Variants in ABCA9 observed in about 807,000 individuals in gnomAD.
ABCA9 encodes ATP binding cassette subfamily A member 9.
In ABCA9, 183 loss-of-function variants were observed where a neutral mutation model predicts 205.3. The ratio of observed to expected loss-of-function variants is 0.89; its 90% CI spans 0.79 to 1.01. The LOEUF (loss-of-function observed/expected upper bound fraction) is 1.01. Among genes scored for constraint, ABCA9 ranks in the 50% least tolerant of loss-of-function variants. ABCA9 has a pLI of 0.00. For missense variants in ABCA9, 1,805 were observed against 1,912.4 expected (o/e 0.94, Z 1.05); for synonymous variants, 651 against 683.3 (o/e 0.95, Z 0.74).
chr17:69,070,768 G>A, the ABCA9 span, among the ~76,000 whole-genome samples: 1 of 152,168 alleles, frequency 6.6e-6, no homozygotes, highest in African/African-American at 2.4e-5. Flanking sequence ...AAAGGGGGCT[G>A]AAGCCAGGAA....
In ABCA9 at chr17:68,975,143, G is replaced by A. The variant is rs1423469351; in HGVS notation, c.*772C>T. Reference sequence around the variant, plus strand: ...CCTGTGTTAGTTTGCTGAGGATGATGGTTTCCAGCTTCATCCATGTCCCTG... The same window carrying A: ...CCTGTGTTAGTTTGCTGAGGATGATAGTTTCCAGCTTCATCCATGTCCCTG... On this transcript the variant is annotated 3_prime_UTR_variant, in exon 39 of 39. Coordinates refer to ENST00000340001, the MANE Select transcript of ABCA9 (RefSeq NM_080283.4). The A allele has an allele frequency of 6.6e-6, 1 of 152,136 alleles. No homozygotes were observed. The highest frequency in any genetic ancestry group is 1.5e-5 in the Non-Finnish European group (1 of 68,048). The allele number at this position is 152,136 out of a possible 1,614,324, so 9.4% of individuals were successfully genotyped here. A position where few individuals can be genotyped will look rare whatever the true frequency, so the allele number is the denominator to read the frequency against.
In ABCA9 at chr17:69,051,402, G is replaced by A. The variant is rs576943122; in HGVS notation, c.-13-263C>T. On this transcript the variant is annotated intron_variant, in intron 1 of 38. Transcript: ENST00000340001. The stretch of plus-strand genomic sequence containing the variant: ...AGAAGAGTGAATAGTGTCGATCGTT[G>A]CTATCTCCTCAACTGTGGGTGTTGT... 1.2e-4 allele frequency: 48 copies of A among 410,110 alleles called. 1 individual carries two copies. The highest frequency in any genetic ancestry group is 5.9e-4 in the Admixed American group (15 of 25,402). 25.4% of individuals were successfully genotyped at this position (410,110 alleles called of 1,614,324 possible).
intron 22 of ABCA9, among the ~76,000 whole-genome samples, chr17:69,014,906 T>C (rs1471115494): frequency 6.6e-6 from 1 of 152,116 alleles, no homozygotes; most frequent in Non-Finnish European, 1.5e-5. Flanking sequence ...GGGTGTGTCA[T>C]CACCTACAGA....
At chr17:68,995,752 C>T (rs553741049) in intron 26 of ABCA9, 143 bp downstream of exon 26, 171 of 1,076,436 alleles carry the variant, frequency 1.6e-4, no homozygotes, top group Admixed American at 1.3e-3. Context: ...CTTATCCATG[C>T]GTGGCAAGAG....
the ABCA9 span, among the ~76,000 whole-genome samples, chr17:69,068,210 A>C: frequency 8.5e-5 from 13 of 152,332 alleles, no homozygotes; most frequent in South Asian, 2.3e-3. Context: ...TATTGTTTCC[A>C]ATATACAATC....
Position 68,983,731 on chromosome 17 carries a change from G to A in ABCA9, c.4618C>T (p.Pro1540Ser), listed in dbSNP as rs2069136140. 1 of 1,614,038 alleles carries A rather than the reference G, an allele frequency of 6.2e-7. No individual in the cohort carries two copies. ...TACCTTTCCTGCTGAGCAGCCTGGG[G>A]GAAAAGCCTCAGGATCTCTGCATGG... is the stretch of plus-strand genomic sequence containing the variant. ...PLHAEILRLF[P>S]QAAQQERFSS... Residue 1540 changes from proline (P) to serine (S), a missense_variant, in exon 36 of 39, where the codon CCC (proline) becomes TCC (serine). Pro to Ser is a moderately conservative substitution (Grantham distance 74). Transcript: ENST00000340001.
chr17:69,026,578 A>G, intron 15 of ABCA9, 111 bp from the exon 16 acceptor site: 1 of 983,490 alleles, frequency 1.0e-6, no homozygotes, highest in South Asian at 1.6e-5. Flanking sequence ...ACTAAAATAG[A>G]TATACTCTAA....
Position 69,023,373 on chromosome 17 carries a change from A to C in ABCA9, c.2281+841T>G, listed in dbSNP as rs1370433284. On this transcript the variant is annotated intron_variant, in intron 17 of 38. Coordinates refer to ENST00000340001, the MANE Select transcript of ABCA9 (RefSeq NM_080283.4). The surrounding 1 kb of genome is among the most constrained non-coding windows in gnomAD (Gnocchi z 4.2). ...TATTTTAATTTTCTTTTCACAAGTG[A>C]GGAAACTGAGATACAGAATAGTACT... 1 of 152,208 alleles carries C rather than the reference A, an allele frequency of 6.6e-6. No individual in the cohort carries two copies. Among genetic ancestry groups the C allele is most frequent in the African/African-American group, 2.4e-5 (1 of 41,462 alleles). 9.4% of individuals were successfully genotyped at this position (152,208 alleles called of 1,614,324 possible). A position where few individuals can be genotyped will look rare whatever the true frequency, so the allele number is the denominator to read the frequency against.
At chr17:68,979,621 A>G (rs1438732807) in intron 37 of ABCA9, among the ~76,000 whole-genome samples, 1 of 151,556 alleles carries the variant, frequency 6.6e-6, no homozygotes, top group African/African-American at 2.4e-5. Context: ...GCCCTCAGAA[A>G]TAATGCCACA....
chr17:69,024,805 C>A (rs1314296371), intron 16 of ABCA9, among the ~76,000 whole-genome samples: 1 of 152,148 alleles, frequency 6.6e-6, no homozygotes, highest in Non-Finnish European at 1.5e-5. Context: ...GGCCCCATGT[C>A]ATGCTAATGC....
At chr17:68,985,234 G>T in intron 32 of ABCA9, 106 bp from the exon 33 acceptor site, 2 of 1,420,538 alleles carry the variant, frequency 1.4e-6, no homozygotes, top group Non-Finnish European at 2.0e-6. Context: ...TTTATGAGTG[G>T]TCAGAGTGGT....
Position 69,021,864 on chromosome 17 carries a change from A to C in ABCA9, c.2282-3T>G, listed in dbSNP as rs754931131. The C allele has an allele frequency of 1.4e-6, 2 of 1,443,356 alleles. No individual in the cohort carries two copies. Among genetic ancestry groups the C allele is most frequent in the South Asian group, 2.8e-5 (2 of 71,596 alleles). 89.4% of individuals were successfully genotyped at this position (1,443,356 alleles called of 1,614,324 possible). On this transcript the variant is annotated splice_region_variant and splice_polypyrimidine_tract_variant and intron_variant, in intron 17 of 38. Coordinates refer to ENST00000340001, the MANE Select transcript of ABCA9 (RefSeq NM_080283.4). ...TCTATCAAGATCCCTGTAAAGTTCTAAAAGTGGATACAAAAACAGATTATA... is the reference window on the plus strand; with the variant it reads ...TCTATCAAGATCCCTGTAAAGTTCTCAAAGTGGATACAAAAACAGATTATA...
chr17:69,019,156 C>CT (rs1338792734), intron 19 of ABCA9, among the ~76,000 whole-genome samples: 4 of 152,148 alleles, frequency 2.6e-5, no homozygotes, highest in African/African-American at 9.6e-5. Flanking sequence ...TTATTAACTC[C>CT]TTCCTGACTC....
rs1418818852 is a variant in ABCA9 at position 68,985,036 on chromosome 17, A to G, written c.4284+17T>C. On this transcript the variant is annotated intron_variant, in intron 33 of 38. Coordinates refer to ENST00000340001, the MANE Select transcript of ABCA9 (RefSeq NM_080283.4). The stretch of plus-strand genomic sequence containing the variant: ...CATCTACGGCACTTGCAGAGCAACA[A>G]CAAGCCCTGCCCGTACCTTTCGCTT... 1.2e-6 allele frequency: 2 copies of G among 1,614,204 alleles called. No individual in the cohort carries two copies. The highest frequency in any genetic ancestry group is 1.1e-5 in the South Asian group (1 of 91,074).
intron 3 of ABCA9, among the ~76,000 whole-genome samples, chr17:69,047,195 G>A (rs752878382): frequency 6.6e-6 from 1 of 150,810 alleles, no homozygotes; most frequent in African/African-American, 2.4e-5. Context: ...GACCTAAGAT[G>A]ATCCGCCCAC....
chr17:68,993,096 G>A lies in ABCA9; in HGVS notation c.3556-12C>T. On this transcript the variant is annotated splice_polypyrimidine_tract_variant and intron_variant, in intron 26 of 38. Transcript: ENST00000340001. Reference sequence around the variant, plus strand: ...GAATCAGGAGAAATCTGTAAAATGAGCAGTAAGTGTATTCAGGTGAACCTT... The same window carrying A: ...GAATCAGGAGAAATCTGTAAAATGAACAGTAAGTGTATTCAGGTGAACCTT... 6.2e-7 allele frequency: 1 copy of A among 1,607,974 alleles called. No individual in the cohort carries two copies. The highest frequency in any genetic ancestry group is 2.2e-5 in the East Asian group (1 of 44,836).
At chr17:69,044,655 A>G in intron 4 of ABCA9, 55 bp from the exon 5 acceptor site, 1 of 1,518,928 alleles carries the variant, frequency 6.6e-7, no homozygotes, top group Non-Finnish European at 9.0e-7. Flanking sequence ...TGGCTACAGA[A>G]AAAAACAAAA....
At chr17:69,045,698 T>C (rs1382590753) in intron 3 of ABCA9, among the ~76,000 whole-genome samples, 2 of 152,194 alleles carry the variant, frequency 1.3e-5, no homozygotes, top group East Asian at 1.9e-4. Flanking sequence ...CTTACAATCA[T>C]AGCAGAAGGT....
rs1306363867 is a variant in ABCA9, at chr17:69,051,073, C to T, written c.54G>A (p.Lys18=). ...VGQQTWALLC[K]NCLKKWRMKR... ...TCATTCTCCATTTTTTGAGACAGTT[C>T]TTGCAGAGAAGAGCCCATGTTTGCT... The change falls in exon 2 of 39, where the codon AAG becomes AAA. Residue 18 remains lysine (K), a synonymous_variant. Transcript: ENST00000340001. The T allele has an allele frequency of 2.2e-5, 36 of 1,613,680 alleles. No homozygotes were observed. The highest frequency in any genetic ancestry group is 2.9e-5 in the Non-Finnish European group (34 of 1,179,812).
Sources: allele counts gnomAD v4.1 joint callset (sites outside exome capture counted in the v4.1 genomes callset), GRCh38; gene constraint gnomAD v4.1.1; non-coding constraint Gnocchi (gnomAD v3.1); transcripts MANE v1.5; gene names NCBI Gene and HGNC (gene_info 2026-07-23, HGNC 2026-07-21).